PLCB1: variants seen among roughly 807,000 people sequenced by gnomAD.
PLCB1 encodes the protein 1-phosphatidylinositol 4,5-bisphosphate phosphodiesterase beta-1.
In PLCB1, 46 loss-of-function variants were observed where a neutral mutation model predicts 161.8. That is an observed-to-expected ratio of 0.28 (90% confidence interval 0.22 to 0.36). PLCB1 has a LOEUF of 0.36. Among genes scored for constraint, PLCB1 ranks in the 10% least tolerant of loss-of-function variants. PLCB1 has a pLI of 1.00. For synonymous variants in PLCB1, 517 were observed against 503.7 expected (o/e 1.03, Z -0.35); for missense variants, 1,016 against 1,472.5 (o/e 0.69, Z 5.07).
intron 2 of PLCB1, among the ~76,000 whole-genome samples, chr20:8,171,602 A>G (rs1321243104): frequency 1.3e-5 from 2 of 152,160 alleles, no homozygotes; most frequent in Non-Finnish European, 2.9e-5. Flanking sequence ...AAAAAGGATA[A>G]TATTAGTACT....
intron 3 of PLCB1, among the ~76,000 whole-genome samples, chr20:8,442,493 C>T (rs563230032): frequency 6.6e-6 from 1 of 152,282 alleles, no homozygotes; most frequent in African/African-American, 2.4e-5. Context: ...CCTCTTAATA[C>T]TATCACAATG....
intron 31 of PLCB1, among the ~76,000 whole-genome samples, chr20:8,846,887 A>AT (rs1986708042): frequency 2.6e-5 from 4 of 151,786 alleles, no homozygotes; most frequent in Non-Finnish European, 5.9e-5. Context: ...ATCCTTCACC[A>AT]TAAGTCCCAC....
At chr20:8,457,150 A>T (rs1026657789) in intron 3 of PLCB1, among the ~76,000 whole-genome samples, 6 of 152,156 alleles carry the variant, frequency 3.9e-5, no homozygotes, top group Non-Finnish European at 7.4e-5. Flanking sequence ...GAGGCCACCT[A>T]TTTTTTGTAA....
At chr20:8,317,518 C>T (rs1984712193) in intron 2 of PLCB1, among the ~76,000 whole-genome samples, 1 of 151,958 alleles carries the variant, frequency 6.6e-6, no homozygotes, top group Admixed American at 6.6e-5. Flanking sequence ...ATTTACACCC[C>T]CCCATCCCCC....
intron 1 of PLCB1, among the ~76,000 whole-genome samples, chr20:8,144,547 G>A (rs1382547356): frequency 6.6e-6 from 1 of 152,070 alleles, no homozygotes; most frequent in Admixed American, 6.6e-5. Context: ...GACACTCCTG[G>A]AGGAAAAGTC....
chr20:8,371,478 C>G (rs781179328), intron 3 of PLCB1, 28 bp downstream of exon 3: 2 of 1,481,210 alleles, frequency 1.4e-6, no homozygotes, highest in South Asian at 2.3e-5. Context: ...GTGCATGCAC[C>G]AGATGCTGCC....
chr20:8,672,276 G>T (rs971583830), intron 9 of PLCB1, among the ~76,000 whole-genome samples: 4 of 152,080 alleles, frequency 2.6e-5, no homozygotes, highest in African/African-American at 9.7e-5. Flanking sequence ...AGGATAAAAT[G>T]AGTTAATACT....
chr20:8,679,536 A>G (rs1222358266), intron 9 of PLCB1, among the ~76,000 whole-genome samples: 1 of 152,222 alleles, frequency 6.6e-6, no homozygotes, highest in Non-Finnish European at 1.5e-5. Flanking sequence ...GATACACTTC[A>G]GGGTTTTAAA....
intron 3 of PLCB1, among the ~76,000 whole-genome samples, chr20:8,613,892 G>A (rs1987973052): frequency 6.6e-6 from 1 of 151,758 alleles, no homozygotes; most frequent in Non-Finnish European, 1.5e-5. Flanking sequence ...ATTTCTATAG[G>A]AGAAAATGCC....
intron 9 of PLCB1, among the ~76,000 whole-genome samples, chr20:8,684,318 G>A (rs972515856): frequency 4.0e-5 from 6 of 151,290 alleles, no homozygotes; most frequent in African/African-American, 1.2e-4. Flanking sequence ...GTGCAGTGGC[G>A]CCATCTCGGC....
chr20:8,825,978 C>G (rs1369597781), intron 31 of PLCB1, among the ~76,000 whole-genome samples: 2 of 152,074 alleles, frequency 1.3e-5, no homozygotes, highest in African/African-American at 2.4e-5. Flanking sequence ...GACTCCCATT[C>G]CTGGGCTAGG....
At chr20:8,729,295 A>G in intron 18 of PLCB1, 121 bp downstream of exon 18, 1 of 859,008 alleles carries the variant, frequency 1.2e-6, no homozygotes, top group Non-Finnish European at 1.7e-6. Flanking sequence ...AATAAAAGCA[A>G]ATTTCAATGA....
Position 8,882,409 on chromosome 20 carries a change from A to G in PLCB1, c.*560A>G, listed in dbSNP as rs1568636102. 1 of 156,682 alleles carries G rather than the reference A, an allele frequency of 6.4e-6. No homozygotes were observed. The highest frequency in any genetic ancestry group is 2.4e-5 in the African/African-American group (1 of 41,426). The allele number at this position is 156,682 out of a possible 1,614,324, so 9.7% of individuals were successfully genotyped here. ...TAATTTATTTATCATAGAGTCATCAATGTATTTGTTGCTGACATGGTTTTA... is the reference window on the plus strand; with the variant it reads ...TAATTTATTTATCATAGAGTCATCAGTGTATTTGTTGCTGACATGGTTTTA... On this transcript the variant is annotated 3_prime_UTR_variant, in exon 32 of 32. Coordinates refer to ENST00000338037, the MANE Select transcript of PLCB1 (RefSeq NM_015192.4).
intron 2 of PLCB1, among the ~76,000 whole-genome samples, chr20:8,358,317 C>T (rs1352010936): frequency 3.3e-5 from 5 of 152,158 alleles, no homozygotes; most frequent in Admixed American, 2.6e-4. Context: ...GGCATGATCT[C>T]GGCTCATTGC....
intron 2 of PLCB1, among the ~76,000 whole-genome samples, chr20:8,352,594 T>C (rs1386319728): frequency 6.6e-6 from 1 of 152,006 alleles, no homozygotes; most frequent in Non-Finnish European, 1.5e-5. Flanking sequence ...TTGTGACAAA[T>C]AATATCTATA....
At chr20:8,865,438 C>T (rs1987395099) in intron 31 of PLCB1, among the ~76,000 whole-genome samples, 1 of 152,098 alleles carries the variant, frequency 6.6e-6, no homozygotes, top group Non-Finnish European at 1.5e-5. Flanking sequence ...TTCATCATTC[C>T]CCTGACCTCA....
At chr20:8,227,719 A>G (rs1451346376) in intron 2 of PLCB1, among the ~76,000 whole-genome samples, 2 of 152,186 alleles carry the variant, frequency 1.3e-5, no homozygotes, top group East Asian at 3.8e-4. Context: ...AAATTCCCAT[A>G]GGACTCAAAT....
At chr20:8,232,826 C>T (rs1013870370) in intron 2 of PLCB1, among the ~76,000 whole-genome samples, 1 of 152,174 alleles carries the variant, frequency 6.6e-6, no homozygotes, top group Admixed American at 6.5e-5. Context: ...GCACTTCTTG[C>T]AATGTTTTTC....
chr20:8,357,637 T>C lies in PLCB1; in HGVS notation c.178-13745T>C, dbSNP rs1175574446. Among the ~76,000 whole-genome samples the C allele has an allele frequency of 3.3e-5, 5 of 151,678 alleles. No homozygotes were observed. The East Asian group carries it at 9.7e-4, about 29-fold the overall frequency. ...TTCAAGATCAGCCTGAGCAACATAG[T>C]GAGACCTTGTCTTTACAAAATAAAA... On this transcript the variant is annotated intron_variant, in intron 2 of 31. Transcript: ENST00000338037.
Sources: gnomAD v4.1 joint callset for allele counts (sites outside exome capture counted in the v4.1 genomes callset) on GRCh38, gnomAD v4.1.1 for gene constraint, MANE v1.5 for transcripts, NCBI Gene and HGNC (gene_info 2026-07-23, HGNC 2026-07-21) for gene names.